Variants in GLMN observed in about 807,000 individuals in gnomAD.
The protein encoded by GLMN is glomulin.
GLMN carries 75 observed loss-of-function variants against 87.8 expected under a neutral mutation model. The ratio of observed to expected loss-of-function variants is 0.85; its 90% confidence interval spans 0.71 to 1.04. The LOEUF (loss-of-function observed/expected upper bound fraction) is 1.04, where lower values mean the gene tolerates loss of function less well. Among genes scored for constraint, GLMN ranks in the 50% least tolerant of loss-of-function variants. The pLI is 0.00. For missense variants in GLMN, 588 were observed against 658.8 expected, an observed-to-expected ratio of 0.89 and a Z score of 1.18; for synonymous variants, 206 against 221.6, an observed-to-expected ratio of 0.93 and a Z score of 0.63.
chr1:92,299,803 TTTG>T (rs1261971190), upstream of GLMN, among the ~76,000 whole-genome samples: 7 of 152,176 alleles, frequency 4.6e-5, no homozygotes, highest in African/African-American at 9.7e-5. Context: ...TGGTCTACAG[TTTG>T]TTATTTGTGT....
At chr1:92,255,592 C>T (rs1654116153) in intron 16 of GLMN, among the ~76,000 whole-genome samples, 1 of 152,182 alleles carries the variant, frequency 6.6e-6, no homozygotes, top group Admixed American at 6.5e-5. Flanking sequence ...CAAAGTAGAA[C>T]TCAGGATTAA....
chr1:92,260,425 G>T (rs1354543553), intron 16 of GLMN, among the ~76,000 whole-genome samples: 1 of 151,994 alleles, frequency 6.6e-6, no homozygotes, highest in African/African-American at 2.4e-5. Flanking sequence ...AGACCAGCCT[G>T]GGCAACATGA....
At chr1:92,283,266 G>A (rs1389096693) in intron 7 of GLMN, among the ~76,000 whole-genome samples, 2 of 152,120 alleles carry the variant, frequency 1.3e-5, no homozygotes, top group African/African-American at 2.4e-5. Flanking sequence ...AAAATCTTAT[G>A]CGCCACAATC....
At chr1:92,348,738 G>C in the GLMN span, among the ~76,000 whole-genome samples, 4 of 152,020 alleles carry the variant, frequency 2.6e-5, no homozygotes, top group African/African-American at 9.7e-5. Flanking sequence ...ACAAGTTAGG[G>C]ATAAAATTAA....
At chr1:92,284,881 G>A (rs536033440) in intron 7 of GLMN, among the ~76,000 whole-genome samples, 1 of 152,272 alleles carries the variant, frequency 6.6e-6, no homozygotes, top group East Asian at 1.9e-4. Flanking sequence ...ATCATCACTG[G>A]TCATCAGAGA....
At chr1:92,357,446 A>G in the GLMN span, among the ~76,000 whole-genome samples, 1 of 152,252 alleles carries the variant, frequency 6.6e-6, no homozygotes, top group South Asian at 2.1e-4. Context: ...AATAGAACAG[A>G]TGAGAGTATT....
intron 3 of GLMN, among the ~76,000 whole-genome samples, chr1:92,295,191 C>G (rs1390251408): frequency 6.6e-6 from 1 of 152,236 alleles, no homozygotes; most frequent in Admixed American, 6.5e-5. Context: ...TTCTGCCTCA[C>G]TGATGTGGTG....
intron 3 of GLMN, among the ~76,000 whole-genome samples, chr1:92,293,582 A>G (rs981391148): frequency 6.6e-6 from 1 of 152,134 alleles, no homozygotes; most frequent in Admixed American, 6.5e-5. Context: ...GAGCTACCAT[A>G]TGATCCAGCA....
chr1:92,331,824 T>C, the GLMN span, among the ~76,000 whole-genome samples: 1 of 152,182 alleles, frequency 6.6e-6, no homozygotes, highest in Non-Finnish European at 1.5e-5. Flanking sequence ...TTAGTATCAG[T>C]TGATAAAGAA....
intron 3 of GLMN, among the ~76,000 whole-genome samples, chr1:92,295,922 A>G (rs1649993140): frequency 1.3e-5 from 2 of 152,238 alleles, no homozygotes; most frequent in African/African-American, 4.8e-5. Flanking sequence ...GTACTTTAGA[A>G]GGTTATCCTG....
upstream of GLMN, among the ~76,000 whole-genome samples, chr1:92,303,426 A>G (rs1181077785): frequency 6.6e-6 from 1 of 152,220 alleles, no homozygotes; most frequent in Non-Finnish European, 1.5e-5. Flanking sequence ...GAAGATGTCA[A>G]AGGAAAATAT....
chr1:92,321,596 T>C, the GLMN span, among the ~76,000 whole-genome samples: 2,107 of 152,280 alleles, frequency 0.014, 57 homozygotes, highest in African/African-American at 0.047. Flanking sequence ...CAAGTTTGTA[T>C]TGGCAAAGCT....
At chr1:92,299,038 C>G (rs562479728), upstream of GLMN, 1,087 of 1,319,134 alleles carry the variant, frequency 8.2e-4, no homozygotes, top group Middle Eastern at 1.0e-3. Context: ...GGCGAGACGC[C>G]GGAGCGTGTC....
chr1:92,290,705 C>T (rs1013699622), intron 4 of GLMN, among the ~76,000 whole-genome samples: 8 of 152,204 alleles, frequency 5.3e-5, no homozygotes, highest in African/African-American at 1.9e-4. Flanking sequence ...TTCTGACTGG[C>T]CATATCTTAT....
At chr1:92,324,746 A>G in the GLMN span, among the ~76,000 whole-genome samples, 2 of 152,236 alleles carry the variant, frequency 1.3e-5, no homozygotes, top group African/African-American at 4.8e-5. Context: ...GTGTGTGTTT[A>G]ATGGAAGTAT....
intron 16 of GLMN, among the ~76,000 whole-genome samples, chr1:92,261,963 A>G (rs980051543): frequency 6.6e-6 from 1 of 152,074 alleles, no homozygotes; most frequent in Non-Finnish European, 1.5e-5. Context: ...TTCACAACAA[A>G]ATGTTAAAAA....
At chr1:92,310,713 A>G in the GLMN span, among the ~76,000 whole-genome samples, 1 of 152,196 alleles carries the variant, frequency 6.6e-6, no homozygotes, top group African/African-American at 2.4e-5. Flanking sequence ...CCTGGCCAAC[A>G]TGACAAAACC....
At chr1:92,301,433 C>T (rs1469644336), upstream of GLMN, 5 of 999,738 alleles carry the variant, frequency 5.0e-6, no homozygotes, top group African/African-American at 3.3e-5. Flanking sequence ...GAATGTTGGA[C>T]ATGAAGCTTT....
Position 92,252,643 on chromosome 1 carries a change from G to A in GLMN, c.1474-4654C>T, listed in dbSNP as rs187535016. ...TAAACTGTAATATTTTTAGAAGCAT[G>A]TAGGAGTGAAGAAGCTGTGAGAATA... On this transcript the variant is annotated intron_variant, in intron 16 of 18. Coordinates refer to ENST00000370360, the MANE Select transcript of GLMN (RefSeq NM_053274.3). Among the ~76,000 whole-genome samples, 183 of 152,262 alleles carry A rather than the reference G, an allele frequency of 1.2e-3. 1 individual carries two copies. In the Middle Eastern group the frequency reaches 0.02, roughly 17 times the overall value.
Sources: allele counts gnomAD v4.1 joint callset (sites outside exome capture counted in the v4.1 genomes callset), GRCh38; gene constraint gnomAD v4.1.1; transcripts MANE v1.5; gene names NCBI Gene and HGNC (gene_info 2026-07-23, HGNC 2026-07-21).